Variants in MBP observed in about 807,000 individuals in gnomAD.
The protein encoded by MBP is Golli-MBP.
MBP carries 16 observed loss-of-function variants against 35.8 expected under a neutral mutation model. The ratio of observed to expected loss-of-function variants is 0.45; its 90% CI spans 0.30 to 0.68. The LOEUF is 0.68. Among genes scored for constraint, MBP ranks in the 30% least tolerant of loss-of-function variants. The pLI is 0.08. For missense variants in MBP, 380 were observed against 404.7 expected, an observed-to-expected ratio of 0.94 and a Z score of 0.52; for synonymous variants, 143 against 159.6, an observed-to-expected ratio of 0.90 and a Z score of 0.78.
intron 2 of MBP, among the ~76,000 whole-genome samples, chr18:77,096,026 G>C (rs1324464912): frequency 5.3e-5 from 8 of 152,184 alleles, no homozygotes; most frequent in Non-Finnish European, 1.0e-4. Flanking sequence ...GATATGACAA[G>C]AACAGAACTC....
In MBP at chr18:77,066,435, T is replaced by A. The variant is rs117933381; in HGVS notation, c.52-50A>T. On this transcript the variant is annotated intron_variant, in intron 2 of 8. Coordinates refer to ENST00000355994, the MANE Select transcript of MBP (RefSeq NM_001025101.2). ...CCTTTTCTTAAGATAAATTGTTTTA[T>A]CAACAAAATAATTGTAATGCATTTG... The A allele has an allele frequency of 5.6e-3, 6,772 of 1,203,670 alleles. 29 individuals are homozygous for A. The highest frequency in any genetic ancestry group is 6.7e-3 in the Non-Finnish European group (5,443 of 810,102). The allele number at this position is 1,203,670 out of a possible 1,614,324, so 74.6% of individuals were successfully genotyped here. A position where few individuals can be genotyped will look rare whatever the true frequency, so the allele number is the denominator to read the frequency against.
At chr18:77,083,033 G>A (rs949808201) in intron 2 of MBP, among the ~76,000 whole-genome samples, 1 of 151,814 alleles carries the variant, frequency 6.6e-6, no homozygotes, top group Non-Finnish European at 1.5e-5. Flanking sequence ...AGAGTGAAGT[G>A]GCACAATCTT....
intron 3 of MBP, among the ~76,000 whole-genome samples, chr18:77,029,397 C>T (rs1034356872): frequency 9.4e-4 from 118 of 125,366 alleles, no homozygotes; most frequent in African/African-American, 3.4e-3. Context: ...AGAGGGAGAC[C>T]GTGGAAAGAG....
chr18:77,045,264 G>A (rs1252395111), intron 3 of MBP, among the ~76,000 whole-genome samples: 1 of 151,360 alleles, frequency 6.6e-6, no homozygotes, highest in African/African-American at 2.4e-5. Flanking sequence ...TGCACAACTG[G>A]GTGTTAAACC....
intron 4 of MBP, among the ~76,000 whole-genome samples, chr18:76,992,649 G>A (rs545021101): frequency 6.6e-5 from 10 of 152,288 alleles, no homozygotes; most frequent in South Asian, 6.2e-4. Context: ...AGCACCCAGA[G>A]CAGAGCAAGC....
intron 3 of MBP, among the ~76,000 whole-genome samples, chr18:77,058,717 A>T (rs3752068): frequency 0.16 from 24,239 of 152,254 alleles, 2,056 homozygotes; most frequent in South Asian, 0.23. Context: ...TGTGGGGTCA[A>T]GCAGCTTATT....
intron 3 of MBP, among the ~76,000 whole-genome samples, chr18:77,021,113 A>G (rs535427649): frequency 6.6e-6 from 1 of 152,324 alleles, no homozygotes; most frequent in South Asian, 2.1e-4. Context: ...CAGCCTTGGT[A>G]TCAGCAGCTC....
rs1173862954 is a variant in MBP, at chr18:77,102,721, C to T, written c.51+2490G>A. On this transcript the variant is annotated intron_variant, in intron 2 of 8. Coordinates refer to ENST00000355994, the MANE Select transcript of MBP (RefSeq NM_001025101.2). This position sits in a 1 kb window ranked among gnomAD's most constrained non-coding sequence, Gnocchi z 4.4. The stretch of plus-strand genomic sequence containing the variant: ...GTCAAACAACAGGAAAGAAACTGTA[C>T]ACCACAGAGAGGTTTCTTGAAACTG... Among the ~76,000 whole-genome samples, 2 of 152,152 alleles carry T rather than the reference C, an allele frequency of 1.3e-5. No individual in the cohort carries two copies. Among genetic ancestry groups the T allele is most frequent in the East Asian group, 1.9e-4 (1 of 5,200 alleles).
chr18:77,090,125 GC>G (rs1335259729), intron 2 of MBP, among the ~76,000 whole-genome samples: 1 of 152,198 alleles, frequency 6.6e-6, no homozygotes, highest in Non-Finnish European at 1.5e-5. Flanking sequence ...TGTCAGAGGG[GC>G]CTCAGCCTTA....
At chr18:77,067,945 A>C (rs1974265890) in intron 2 of MBP, 1 of 437,808 alleles carries the variant, frequency 2.3e-6, no homozygotes, top group Non-Finnish European at 4.6e-6. Flanking sequence ...CAGCCCTCTG[A>C]GCTCACACCA....
chr18:77,125,340 A>G (rs560453171), intron 1 of MBP, among the ~76,000 whole-genome samples: 1 of 152,320 alleles, frequency 6.6e-6, no homozygotes, highest in East Asian at 1.9e-4. Context: ...AACATATTAA[A>G]AAGCACAGAT....
intron 7 of MBP, chr18:76,987,394 C>A: frequency 1.0e-6 from 1 of 985,418 alleles, no homozygotes; most frequent in Non-Finnish European, 1.2e-6. Flanking sequence ...GTCAAATATG[C>A]ATTAATGGAA....
chr18:77,065,356 G>A (rs1233416224), intron 3 of MBP, among the ~76,000 whole-genome samples: 1 of 152,000 alleles, frequency 6.6e-6, no homozygotes, highest in Non-Finnish European at 1.5e-5. Flanking sequence ...AAAGCCACTG[G>A]TCTCATCAGG....
intron 3 of MBP, among the ~76,000 whole-genome samples, chr18:77,036,397 C>T (rs1411522053): frequency 2.8e-5 from 4 of 141,526 alleles, no homozygotes; most frequent in Non-Finnish European, 4.5e-5. Context: ...GTGCTGCTCA[C>T]GTTTCAGAGG....
rs144890508 is a variant in MBP at position 77,068,959 on chromosome 18, G to A, written c.52-2574C>T. ...AGCTGAGCCTTGGGGGCCTCACCTC[G>A]GGGACTCTGACCTCACCTCGGGGCC... On this transcript the variant is annotated intron_variant, in intron 2 of 8. Transcript: ENST00000355994. 1.1e-3 allele frequency: 522 copies of A among 467,126 alleles called. 3 individuals are homozygous for A. Among genetic ancestry groups the A allele is most frequent in the African/African-American group, 9.1e-3 (461 of 50,746 alleles). 28.9% of individuals were successfully genotyped at this position (467,126 alleles called of 1,614,324 possible).
intron 3 of MBP, among the ~76,000 whole-genome samples, chr18:77,045,035 G>A (rs557027532): frequency 2.6e-5 from 4 of 151,998 alleles, no homozygotes; most frequent in South Asian, 2.1e-4. Flanking sequence ...ACTGATAAGC[G>A]GATAGATACG....
At chr18:77,065,261 C>T (rs2144796813) in intron 3 of MBP, among the ~76,000 whole-genome samples, 1 of 152,308 alleles carries the variant, frequency 6.6e-6, no homozygotes, top group East Asian at 1.9e-4. Flanking sequence ...TGCTCAGCTT[C>T]TGGTGAGTGT....
intron 4 of MBP, among the ~76,000 whole-genome samples, chr18:76,994,853 G>T (rs1357034336): frequency 6.6e-6 from 1 of 152,186 alleles, no homozygotes; most frequent in Admixed American, 6.5e-5. Context: ...TTCAGTGAAT[G>T]GAATAATTTT....
intron 4 of MBP, chr18:77,015,683 G>A: frequency 1.0e-6 from 1 of 985,408 alleles, no homozygotes; most frequent in Non-Finnish European, 1.2e-6. Context: ...CACGCCCACA[G>A]GAAAGGTAAA....
Sources: allele counts gnomAD v4.1 joint callset (sites outside exome capture counted in the v4.1 genomes callset), GRCh38; gene constraint gnomAD v4.1.1; non-coding constraint Gnocchi (gnomAD v3.1); transcripts MANE v1.5; gene names NCBI Gene and HGNC (gene_info 2026-07-23, HGNC 2026-07-21).